RUBCNL: variants seen among roughly 807,000 people sequenced by gnomAD.
RUBCNL encodes protein associated with UVRAG as autophagy enhancer.
A neutral mutation model predicts 69.5 loss-of-function variants in RUBCNL; 62 were observed. The observed-to-expected ratio is 0.89, with a 90% confidence interval of 0.73 to 1.10. The LOEUF is 1.10. RUBCNL is among the 50% of genes least tolerant of loss of function. RUBCNL has a pLI of 0.00. For missense variants in RUBCNL, 768 were observed against 798.1 expected, an observed-to-expected ratio of 0.96 and a Z score of 0.45; for synonymous variants, 291 against 303.6, an observed-to-expected ratio of 0.96 and a Z score of 0.43.
chr13:46,335,344 T>A lies in RUBCNL; in HGVS notation c.*8041A>T, dbSNP rs1363862514. 6.9e-6 allele frequency among the ~76,000 whole-genome samples: 1 copy of A among 144,760 alleles called. No individual in the cohort carries two copies. Among genetic ancestry groups the A allele is most frequent in the Non-Finnish European group, 1.5e-5 (1 of 66,376 alleles). The allele number at this position is 144,760 out of a possible 152,430, so 95.0% of individuals were successfully genotyped here. On this transcript the variant is annotated 3_prime_UTR_variant, in exon 15 of 15. Transcript: ENST00000429979. ...GTCACAAACTCCTGGGCTCAAGTCATCCTCCTGCATTGGCCTCCCAAAGTG... is the reference window on the plus strand; with the variant it reads ...GTCACAAACTCCTGGGCTCAAGTCAACCTCCTGCATTGGCCTCCCAAAGTG...
intron 2 of RUBCNL, among the ~76,000 whole-genome samples, chr13:46,377,620 T>C (rs1474789729): frequency 1.3e-5 from 2 of 152,204 alleles, no homozygotes; most frequent in African/African-American, 4.8e-5. Flanking sequence ...AATGACCTTA[T>C]TTGGAACTTC....
chr13:46,337,746 G>A lies in RUBCNL; in HGVS notation c.*5639C>T, dbSNP rs1399685684. Reference sequence around the variant, plus strand: ...TAGTCAGAGTAGGGTGGGTTACACTGTAGGAACCAGCCCCACAAAAATCTC... The same window carrying A: ...TAGTCAGAGTAGGGTGGGTTACACTATAGGAACCAGCCCCACAAAAATCTC... On this transcript the variant is annotated 3_prime_UTR_variant, in exon 15 of 15. Transcript: ENST00000429979. 1.3e-5 allele frequency among the ~76,000 whole-genome samples: 2 copies of A among 152,166 alleles called. No homozygotes were observed. The highest frequency in any genetic ancestry group is 2.9e-5 in the Non-Finnish European group (2 of 68,036).
rs554290255 is a variant in RUBCNL, at chr13:46,356,514, T to C, written c.1266-18A>G. 4 of 1,610,214 alleles carry C rather than the reference T, an allele frequency of 2.5e-6. No homozygotes were observed. Among genetic ancestry groups the C allele is most frequent in the South Asian group, 1.1e-5 (1 of 90,404 alleles). ...GGTCCCTCCTGAATACGAAAAATAA[T>C]ACTAGTTACATTTCAGAGAAGGCCA... On this transcript the variant is annotated intron_variant, in intron 9 of 14. Coordinates refer to ENST00000429979, the MANE Select transcript of RUBCNL (RefSeq NM_025113.5).
Position 46,372,197 on chromosome 13 carries a change from C to G in RUBCNL, c.279G>C (p.Ser93=). 2.5e-6 allele frequency: 4 copies of G among 1,613,964 alleles called. No individual in the cohort carries two copies. The highest frequency in any genetic ancestry group is 3.4e-6 in the Non-Finnish European group (4 of 1,179,876). ...TCTCTGCCAGGGAGTCCCCGAGGCA[C>G]GAAGGTGAAGGGCCTGAGGGAGAGG... ...DAASPSGPSP[S]CLGDSLAETT... is the part of the protein sequence containing the mutation. Residue 93 remains serine (S), a synonymous_variant, in exon 3 of 15, where the codon TCG becomes TCC. Transcript: ENST00000429979.
At chr13:46,356,170 G>A (rs1194273054) in intron 10 of RUBCNL, among the ~76,000 whole-genome samples, 1 of 152,130 alleles carries the variant, frequency 6.6e-6, no homozygotes, top group Non-Finnish European at 1.5e-5. Flanking sequence ...CATTTTCAAG[G>A]GGCAGCAGGA....
At position 46,350,455 on chromosome 13, in the gene RUBCNL, T is replaced by C. The variant is rs1211493156; in HGVS notation, c.1331-104A>G. 1.7e-5 allele frequency: 14 copies of C among 808,950 alleles called. No homozygotes were observed. In the Admixed American group the frequency reaches 3.4e-4, roughly 20 times the overall value. The allele number at this position is 808,950 out of a possible 1,614,324, so 50.1% of individuals were successfully genotyped here. A position where few individuals can be genotyped will look rare whatever the true frequency, so the allele number is the denominator to read the frequency against. On this transcript the variant is annotated intron_variant, in intron 10 of 14. Transcript: ENST00000429979. Reference sequence around the variant, plus strand: ...CGCAAGATTCAAAGACTCTGATGACTTGTTTCATGATGATAAAGCCATACT... The same window carrying C: ...CGCAAGATTCAAAGACTCTGATGACCTGTTTCATGATGATAAAGCCATACT...
Position 46,335,263 on chromosome 13 carries a change from T to G in RUBCNL, c.*8122A>C, listed in dbSNP as rs9526169. ...TCTTTTTGTTGTTGTTGTTGTTGTTTTTTTTTTTTTTTTTTTTTTTTTAAG... is the reference window on the plus strand; with the variant it reads ...TCTTTTTGTTGTTGTTGTTGTTGTTGTTTTTTTTTTTTTTTTTTTTTTAAG... On this transcript the variant is annotated 3_prime_UTR_variant, in exon 15 of 15. Transcript: ENST00000429979. 0.064 allele frequency among the ~76,000 whole-genome samples: 5,863 copies of G among 90,964 alleles called. 225 individuals are homozygous for G. Among genetic ancestry groups the G allele is most frequent in the East Asian group, 0.2 (335 of 1,690 alleles). The allele number at this position is 90,964 out of a possible 152,430, so 59.7% of individuals were successfully genotyped here.
intron 9 of RUBCNL, 82 bp downstream of exon 9, chr13:46,359,404 C>A: frequency 8.7e-7 from 1 of 1,147,328 alleles, no homozygotes; most frequent in Non-Finnish European, 1.2e-6. Flanking sequence ...GTATTTTTTT[C>A]ACCTACTGCC....
chr13:46,365,302 C>CAAAAAAAAA (rs34280215), intron 5 of RUBCNL, among the ~76,000 whole-genome samples: 2 of 59,458 alleles, frequency 3.4e-5, no homozygotes, highest in Non-Finnish European at 6.3e-5. Context: ...GACTCCATCT[C>CAAAAAAAAA]AAAAAAAAAA....
In RUBCNL at chr13:46,343,984, C is replaced by T. The variant is rs1031589671; in HGVS notation, c.1877-487G>A. Among the ~76,000 whole-genome samples the T allele has an allele frequency of 2.0e-5, 3 of 152,180 alleles. 1 individual carries two copies. Among genetic ancestry groups the T allele is most frequent in the South Asian group, 4.1e-4 (2 of 4,826 alleles). ...AAGGCCACCAAACTCCAGAGCTCCC[C>T]GTGAGATGAGCTGAGGGCTCCACTG... On this transcript the variant is annotated intron_variant, in intron 14 of 14. Coordinates refer to ENST00000429979, the MANE Select transcript of RUBCNL (RefSeq NM_025113.5).
rs1342887856 is a variant in RUBCNL, at chr13:46,362,958, A to ATATC, written c.925+156_925+157insGATA. Among the ~76,000 whole-genome samples the ATATC allele has an allele frequency of 5.3e-3, 407 of 76,344 alleles. 11 individuals carry two copies. The highest frequency in any genetic ancestry group is 7.6e-3 in the Non-Finnish European group (304 of 40,138). The allele number at this position is 76,344 out of a possible 152,430, so 50.1% of individuals were successfully genotyped here. ...TATATAGATATATATATATATATAT[A>ATATC]TATATATATATATATATCAGGGCCA... On this transcript the variant is annotated intron_variant, in intron 6 of 14. Coordinates refer to ENST00000429979, the MANE Select transcript of RUBCNL (RefSeq NM_025113.5).
rs552863885 is a variant in RUBCNL at position 46,340,119 on chromosome 13, C to G, written c.*3266G>C. Among the ~76,000 whole-genome samples, 66 of 152,138 alleles carry G rather than the reference C, an allele frequency of 4.3e-4. No individual in the cohort carries two copies. The highest frequency in any genetic ancestry group is 1.4e-3 in the African/African-American group (60 of 41,508). On this transcript the variant is annotated 3_prime_UTR_variant, in exon 15 of 15. Coordinates refer to ENST00000429979, the MANE Select transcript of RUBCNL (RefSeq NM_025113.5). ...CATCTTCTCTCTTCTCTCAATTTCCCTTTTCTTATAAGGACACCAGTCACT... is the reference window on the plus strand; with the variant it reads ...CATCTTCTCTCTTCTCTCAATTTCCGTTTTCTTATAAGGACACCAGTCACT...
chr13:46,340,302 T>C lies in RUBCNL; in HGVS notation c.*3083A>G, dbSNP rs984045601. ...CAACCCACAACAGTAGCTATTGTTC[T>C]AATCCTTGTATTACAGATTATAAAC... On this transcript the variant is annotated 3_prime_UTR_variant, in exon 15 of 15. Coordinates refer to ENST00000429979, the MANE Select transcript of RUBCNL (RefSeq NM_025113.5). Among the ~76,000 whole-genome samples the C allele has an allele frequency of 1.3e-5, 2 of 152,236 alleles. No individual in the cohort carries two copies. Among genetic ancestry groups the C allele is most frequent in the African/African-American group, 4.8e-5 (2 of 41,468 alleles).
At chr13:46,344,608 G>C (rs2048204266) in intron 14 of RUBCNL, 133 bp downstream of exon 14, 1 of 657,750 alleles carries the variant, frequency 1.5e-6, no homozygotes, top group African/African-American at 1.8e-5. Flanking sequence ...ACACCAGCAT[G>C]ACTGTACTTT....
chr13:46,347,011 G>A (rs1184169161), intron 12 of RUBCNL, among the ~76,000 whole-genome samples: 1 of 152,166 alleles, frequency 6.6e-6, no homozygotes, highest in Admixed American at 6.5e-5. Context: ...AGATTTGGGG[G>A]TATGTGTGCA....
At position 46,366,692 on chromosome 13, in the gene RUBCNL, TC is replaced by T. The variant is rs528417953; in HGVS notation, c.826+1349del. Among the ~76,000 whole-genome samples the T allele has an allele frequency of 9.2e-5, 14 of 152,268 alleles. No homozygotes were observed. The South Asian group carries it at 2.7e-3, about 29-fold the overall frequency. ...CCTGATTAACGTGTAGTAAAGGAAGTCAAGAAGAAAAGCAAGCTTCAGTGGT... is the reference window on the plus strand; with the variant it reads ...CCTGATTAACGTGTAGTAAAGGAAGTAAGAAGAAAAGCAAGCTTCAGTGGT... On this transcript the variant is annotated intron_variant, in intron 5 of 14. Transcript: ENST00000429979.
intron 9 of RUBCNL, among the ~76,000 whole-genome samples, chr13:46,357,412 G>A (rs1327899918): frequency 1.3e-5 from 2 of 151,692 alleles, no homozygotes; most frequent in African/African-American, 4.8e-5. Flanking sequence ...GGTTTTTAGG[G>A]AGGTCTCGAT....
intron 12 of RUBCNL, among the ~76,000 whole-genome samples, chr13:46,346,693 G>A (rs1250941293): frequency 6.6e-6 from 1 of 151,942 alleles, no homozygotes; most frequent in Non-Finnish European, 1.5e-5. Flanking sequence ...AATGACTCCA[G>A]AATACATGCT....
intron 8 of RUBCNL, among the ~76,000 whole-genome samples, chr13:46,360,692 T>C (rs185126253): frequency 1.3e-5 from 2 of 152,288 alleles, no homozygotes; most frequent in African/African-American, 2.4e-5. Flanking sequence ...TTCGAGGGCA[T>C]TTTCCCTACC....
Sources: allele counts gnomAD v4.1 joint callset (sites outside exome capture counted in the v4.1 genomes callset), GRCh38; gene constraint gnomAD v4.1.1; transcripts MANE v1.5; gene names NCBI Gene and HGNC (gene_info 2026-07-23, HGNC 2026-07-21).